Variants in IL2RB observed in about 807,000 individuals in gnomAD.
IL2RB encodes the protein interleukin-2 receptor subunit beta.
IL2RB carries 17 observed loss-of-function variants against 44.2 expected under a neutral mutation model. The ratio of observed to expected loss-of-function variants is 0.38; its 90% CI spans 0.26 to 0.58. IL2RB has a LOEUF of 0.58. Ranked by LOEUF, IL2RB falls within the 20% of genes least tolerant of loss-of-function variation. The pLI is 0.63. For missense variants in IL2RB, 624 were observed against 685.5 expected (o/e 0.91, Z 1.00); for synonymous variants, 286 against 297.9 (o/e 0.96, Z 0.41).
intron 1 of IL2RB, among the ~76,000 whole-genome samples, chr22:37,158,358 G>A: frequency 6.6e-6 from 1 of 152,106 alleles, no homozygotes; most frequent in African/African-American, 2.4e-5. Flanking sequence ...GACCAGCCTG[G>A]CCAACATGGC....
chr22:37,157,912 C>T (rs1922734714), intron 1 of IL2RB, among the ~76,000 whole-genome samples: 1 of 152,174 alleles, frequency 6.6e-6, no homozygotes, highest in Non-Finnish European at 1.5e-5. Context: ...CCCTAATACC[C>T]TGAAGAGTCC....
intron 3 of IL2RB, 188 bp from the exon 4 acceptor site, chr22:37,142,700 C>T (rs1922028124): frequency 1.4e-6 from 1 of 715,872 alleles, no homozygotes; most frequent in Non-Finnish European, 2.6e-6. Flanking sequence ...CCCTCATGGG[C>T]ACCTTGTCCT....
chr22:37,149,582 C>G (rs1264162800), intron 1 of IL2RB, among the ~76,000 whole-genome samples: 1 of 152,226 alleles, frequency 6.6e-6, no homozygotes, highest in African/African-American at 2.4e-5. Context: ...TCCCTAGCCT[C>G]CCCTGAATGG....
chr22:37,147,780 C>T (rs1037576428), intron 1 of IL2RB, among the ~76,000 whole-genome samples: 2 of 152,232 alleles, frequency 1.3e-5, no homozygotes, highest in Admixed American at 6.5e-5. Context: ...CCTGGCCTAC[C>T]GTCTCCACAG....
At position 37,128,647 on chromosome 22, in the gene IL2RB, G is replaced by A. The variant is rs926329698; in HGVS notation, c.1105C>T (p.Leu369Phe). 1 of 1,614,160 alleles carries A rather than the reference G, an allele frequency of 6.2e-7. No individual in the cohort carries two copies. Among genetic ancestry groups the A allele is most frequent in the African/African-American group, 1.3e-5 (1 of 75,042 alleles). The part of the protein sequence containing the change: ...FTNQGYFFFH[L>F]PDALEIEACQ... ...GCCTCTATCTCCAAGGCATCCGGGA[G>A]GTGGAAGAAGAAGTAACCCTGGTTG... The change falls in exon 10 of 10, where the codon CTC becomes TTC. Residue 369 changes from leucine (L) to phenylalanine (F), a missense_variant. Leu to Phe is a conservative substitution (Grantham distance 22). This residue lies in a region of IL2RB where 291 missense variants were observed against 275.5 expected (regional missense o/e 1.06). Coordinates refer to ENST00000216223, the MANE Select transcript of IL2RB (RefSeq NM_000878.5). The surrounding 1 kb of genome is among the most constrained non-coding windows in gnomAD (Gnocchi z 4.5).
At chr22:37,130,037 A>G (rs1391071137) in intron 9 of IL2RB, among the ~76,000 whole-genome samples, 1 of 152,222 alleles carries the variant, frequency 6.6e-6, no homozygotes, top group African/African-American at 2.4e-5. Context: ...ACACACACAC[A>G]CACGCTTACA....
chr22:37,152,929 CTTTT>C (rs67046193), upstream of IL2RB, among the ~76,000 whole-genome samples: 5 of 86,986 alleles, frequency 5.7e-5, no homozygotes, highest in South Asian at 1.1e-3. Flanking sequence ...GCTGTGGCCT[CTTTT>C]TTTTTTTTTT....
rs1402969708 is a variant in IL2RB, at chr22:37,144,136, G to A, written c.37C>T (p.Leu13Phe). ...APALSWRLPL[L>F]ILLLPLATSW... ...GTAGCCAGGGGCAGGAGGAGGATGA[G>A]GAGGGGCAGACGCCAGGACAGAGCA... Residue 13 changes from leucine (L) to phenylalanine (F), a missense_variant, in exon 2 of 10, where the codon CTC (leucine) becomes TTC (phenylalanine). Coordinates refer to ENST00000216223, the MANE Select transcript of IL2RB (RefSeq NM_000878.5). 6.4e-7 allele frequency: 1 copy of A among 1,552,288 alleles called. No homozygotes were observed. The highest frequency in any genetic ancestry group is 1.4e-5 in the African/African-American group (1 of 73,244).
intron 1 of IL2RB, among the ~76,000 whole-genome samples, chr22:37,144,845 T>A (rs572869255): frequency 6.6e-6 from 1 of 152,372 alleles, no homozygotes; most frequent in African/African-American, 2.4e-5. Flanking sequence ...CATGTTTTCC[T>A]CTATCTCTCT....
At chr22:37,151,889 T>A (rs1922502437), upstream of IL2RB, among the ~76,000 whole-genome samples, 1 of 152,248 alleles carries the variant, frequency 6.6e-6, no homozygotes, top group African/African-American at 2.4e-5. Context: ...TGGATTTGTT[T>A]CTGGGTTCCC....
At chr22:37,154,286 G>C (rs935596238), upstream of IL2RB, among the ~76,000 whole-genome samples, 1 of 152,196 alleles carries the variant, frequency 6.6e-6, no homozygotes, top group Non-Finnish European at 1.5e-5. Flanking sequence ...CAGGGAGGGG[G>C]CTACGCAGAG....
At chr22:37,154,695 C>T (rs1922617910), upstream of IL2RB, among the ~76,000 whole-genome samples, 2 of 151,978 alleles carry the variant, frequency 1.3e-5, no homozygotes, top group Non-Finnish European at 2.9e-5. Flanking sequence ...CCTGCCTCAG[C>T]TTCCCGAGTA....
Position 37,136,290 on chromosome 22 carries a change from T to C in IL2RB, c.641A>G (p.Gln214Arg). The change falls in exon 7 of 10, where the codon CAA becomes CGA. Residue 214 changes from glutamine (Q) to arginine (R), a missense_variant. By Grantham distance (43) the Gln-to-Arg change is conservative. Coordinates refer to ENST00000216223, the MANE Select transcript of IL2RB (RefSeq NM_000878.5). ...GGGGCTCCAGGTCGTGAACTCGCCTTGCAGAGGCTTGACCCGCACCTGAAA... is the reference window on the plus strand; with the variant it reads ...GGGGCTCCAGGTCGTGAACTCGCCTCGCAGAGGCTTGACCCGCACCTGAAA... ...YEFQVRVKPL[Q>R]GEFTTWSPWS... is the part of the protein sequence containing the mutation. 4 of 1,613,036 alleles carry C rather than the reference T, an allele frequency of 2.5e-6. No individual in the cohort carries two copies. The highest frequency in any genetic ancestry group is 3.4e-6 in the Non-Finnish European group (4 of 1,179,726).
chr22:37,164,476 G>T (rs1922997750), intron 1 of IL2RB, among the ~76,000 whole-genome samples: 1 of 151,012 alleles, frequency 6.6e-6, no homozygotes, highest in Non-Finnish European at 1.5e-5. Context: ...AGGGGTGAGG[G>T]GCCGGGTGGT....
chr22:37,151,871 T>C (rs914918120), upstream of IL2RB, among the ~76,000 whole-genome samples: 13 of 152,346 alleles, frequency 8.5e-5, 1 homozygote, highest in African/African-American at 2.6e-4. Flanking sequence ...AAGTTCACTG[T>C]AGGTGTGTGG....
intron 1 of IL2RB, among the ~76,000 whole-genome samples, chr22:37,163,785 A>G (rs6000590): frequency 0.035 from 5,326 of 152,290 alleles, 309 homozygotes; most frequent in African/African-American, 0.12. Flanking sequence ...CCTTGATTTC[A>G]TGGGCCTCCG....
intron 1 of IL2RB, among the ~76,000 whole-genome samples, chr22:37,164,771 C>T (rs549897861): frequency 2.0e-5 from 3 of 152,266 alleles, no homozygotes; most frequent in East Asian, 1.9e-4. Context: ...ATGCAGAGGG[C>T]AGAATGCTAC....
At chr22:37,162,499 C>A (rs1922916983) in intron 1 of IL2RB, among the ~76,000 whole-genome samples, 1 of 152,164 alleles carries the variant, frequency 6.6e-6, no homozygotes, top group Non-Finnish European at 1.5e-5. Context: ...TTGAAGCTGT[C>A]TTGCTAACTG....
At chr22:37,155,264 G>A (rs960966389) in intron 1 of IL2RB, among the ~76,000 whole-genome samples, 2 of 152,102 alleles carry the variant, frequency 1.3e-5, no homozygotes, top group Admixed American at 6.5e-5. Flanking sequence ...GGTGGCCTCC[G>A]CCCTGGTCTC....
Sources: allele counts gnomAD v4.1 joint callset (sites outside exome capture counted in the v4.1 genomes callset), GRCh38; gene constraint gnomAD v4.1.1; regional missense constraint gnomAD v4.1.1; non-coding constraint Gnocchi (gnomAD v3.1); transcripts MANE v1.5; gene names NCBI Gene and HGNC (gene_info 2026-07-23, HGNC 2026-07-21).